NFIC: variants seen among roughly 807,000 people sequenced by gnomAD.
NFIC encodes nuclear factor 1 C-type.
A neutral mutation model predicts 54.4 loss-of-function variants in NFIC; 12 were observed. The observed-to-expected ratio is 0.22, with a 90% confidence interval of 0.14 to 0.36. NFIC has a LOEUF of 0.36. Ranked by LOEUF, NFIC falls within the 10% of genes least tolerant of loss-of-function variation. The probability of loss-of-function intolerance (pLI) is 1.00; values close to 1 mark genes in which losing one functional copy is unlikely to be tolerated. For missense variants in NFIC, 575 were observed against 718.2 expected, an observed-to-expected ratio of 0.80 and a Z score of 2.28; for synonymous variants, 322 against 319.2, an observed-to-expected ratio of 1.01 and a Z score of -0.09.
Position 3,464,288 on chromosome 19 carries a change from G to A in NFIC, c.*1519G>A. 1.0e-6 allele frequency: 1 copy of A among 985,280 alleles called. No individual in the cohort carries two copies. The highest frequency in any genetic ancestry group is 1.7e-5 in the African/African-American group (1 of 57,296). The allele number at this position is 985,280 out of a possible 1,614,324, so 61.0% of individuals were successfully genotyped here. ...AACGGGGAGGGTTTTCGGGGGGTTC[G>A]GCGTCGCACCTTGGGGCCCCCCGCA... On this transcript the variant is annotated 3_prime_UTR_variant, in exon 11 of 11. Coordinates refer to ENST00000443272, the MANE Select transcript of NFIC (RefSeq NM_001245002.2).
At chr19:3,436,610 G>A (rs1165945739) in intron 6 of NFIC, among the ~76,000 whole-genome samples, 2 of 151,794 alleles carry the variant, frequency 1.3e-5, no homozygotes, top group African/African-American at 4.8e-5. Context: ...AAGTAGCTGG[G>A]ATTACAGGCA....
intron 6 of NFIC, among the ~76,000 whole-genome samples, chr19:3,447,511 A>G (rs1030750746): frequency 6.6e-6 from 1 of 152,120 alleles, no homozygotes; most frequent in African/African-American, 2.4e-5. Context: ...CTCCTGCAGT[A>G]GCTAACATTC....
intron 7 of NFIC, among the ~76,000 whole-genome samples, chr19:3,451,871 C>T (rs908302391): frequency 1.3e-4 from 19 of 151,532 alleles, no homozygotes; most frequent in Non-Finnish European, 2.5e-4. Context: ...AATCCCAGCT[C>T]TTTGGGAGGC....
At chr19:3,456,868 G>T in intron 10 of NFIC, 1 of 575,624 alleles carries the variant, frequency 1.7e-6, no homozygotes, top group Non-Finnish European at 3.1e-6. Flanking sequence ...TCAGCCTGTG[G>T]GGTCCCCAGG....
In NFIC at chr19:3,467,427, T is replaced by C. The variant is rs2082730926; in HGVS notation, c.*4658T>C. On this transcript the variant is annotated 3_prime_UTR_variant, in exon 11 of 11. Transcript: ENST00000443272. ...TTCATGCCCAGGTCTGGAACCCAGG[T>C]TCTGACCCCAGGGCCCCACCCTGGG... The C allele has an allele frequency of 6.6e-6, 1 of 151,328 alleles. No homozygotes were observed. Among genetic ancestry groups the C allele is most frequent in the Admixed American group, 6.6e-5 (1 of 15,226 alleles). The allele number at this position is 151,328 out of a possible 1,614,324, so 9.4% of individuals were successfully genotyped here.
At chr19:3,456,914 AC>A in intron 10 of NFIC, 1 of 505,258 alleles carries the variant, frequency 2.0e-6, no homozygotes, top group Non-Finnish European at 3.6e-6. Context: ...CAGCTATGGG[AC>A]CAGTGTCATT....
At chr19:3,365,917 T>TG (rs1368332380), upstream of NFIC, among the ~76,000 whole-genome samples, 1 of 152,178 alleles carries the variant, frequency 6.6e-6, no homozygotes, top group Non-Finnish European at 1.5e-5. Flanking sequence ...TGCCTGGCTC[T>TG]GGGGGGAGAA....
chr19:3,414,297 T>G (rs1217938813), intron 2 of NFIC, among the ~76,000 whole-genome samples: 1 of 152,012 alleles, frequency 6.6e-6, no homozygotes, highest in Non-Finnish European at 1.5e-5. Flanking sequence ...TTACGACCCT[T>G]TAAAAATGGA....
intron 2 of NFIC, among the ~76,000 whole-genome samples, chr19:3,394,649 G>C (rs1161336421): frequency 1.3e-5 from 2 of 151,326 alleles, no homozygotes; most frequent in East Asian, 3.9e-4. Flanking sequence ...CCAGAGCAGG[G>C]GTTCCCGACC....
intron 7 of NFIC, among the ~76,000 whole-genome samples, chr19:3,450,627 C>A (rs1348948825): frequency 6.6e-6 from 1 of 152,136 alleles, no homozygotes; most frequent in Non-Finnish European, 1.5e-5. Context: ...TGCACTCCAG[C>A]CTGGGCAACA....
chr19:3,420,327 G>A (rs544052014), intron 2 of NFIC, among the ~76,000 whole-genome samples: 2 of 151,944 alleles, frequency 1.3e-5, no homozygotes, highest in African/African-American at 4.8e-5. Context: ...TCTCAAAAAC[G>A]AAGAAGAGAA....
chr19:3,387,462 C>T lies in NFIC; in HGVS notation c.562+5219C>T, dbSNP rs191867220. Among the ~76,000 whole-genome samples the T allele has an allele frequency of 1.8e-3, 276 of 152,144 alleles. 2 individuals are homozygous for T. The highest frequency in any genetic ancestry group is 6.3e-3 in the African/African-American group (261 of 41,530). ...AGTGAGCCAAGATCGCGACACTGCA[C>T]TCCAGCCTGAGCGACAGAGTGAGAC... is the stretch of plus-strand genomic sequence containing the variant. On this transcript the variant is annotated intron_variant, in intron 2 of 10. Transcript: ENST00000443272.
At chr19:3,374,398 C>G (rs1391559389) in intron 1 of NFIC, among the ~76,000 whole-genome samples, 3 of 152,182 alleles carry the variant, frequency 2.0e-5, no homozygotes, top group Non-Finnish European at 2.9e-5. Context: ...GCAAGCTCCC[C>G]TGTCTCCAGC....
At chr19:3,429,139 A>G (rs1373719415) in intron 3 of NFIC, among the ~76,000 whole-genome samples, 5 of 30,570 alleles carry the variant, frequency 1.6e-4, no homozygotes, top group African/African-American at 4.3e-4. Flanking sequence ...AAAAATATAC[A>G]CACACACACA....
intron 2 of NFIC, among the ~76,000 whole-genome samples, chr19:3,390,136 G>C (rs986355062): frequency 4.6e-5 from 7 of 152,232 alleles, no homozygotes; most frequent in Admixed American, 4.6e-4. Flanking sequence ...CCGTGACCCA[G>C]GAGTGGCTGT....
intron 2 of NFIC, among the ~76,000 whole-genome samples, chr19:3,383,932 T>G (rs935984720): frequency 2.0e-5 from 3 of 152,040 alleles, no homozygotes; most frequent in African/African-American, 7.2e-5. Flanking sequence ...GTTTCCTCCT[T>G]GGTGCAATGG....
Position 3,433,506 on chromosome 19 carries a change from T to C in NFIC, c.635-12T>C. On this transcript the variant is annotated splice_polypyrimidine_tract_variant and intron_variant, in intron 3 of 10. Coordinates refer to ENST00000443272, the MANE Select transcript of NFIC (RefSeq NM_001245002.2). ...AGCTCAGCCTACTGACCCCGCTGTC[T>C]TCCTGTTCCAGACACGACCGACTTC... The C allele has an allele frequency of 6.2e-7, 1 of 1,613,470 alleles. No homozygotes were observed. The highest frequency in any genetic ancestry group is 1.7e-5 in the Admixed American group (1 of 59,998).
intron 1 of NFIC, among the ~76,000 whole-genome samples, chr19:3,379,350 G>A (rs1454903911): frequency 2.6e-5 from 4 of 151,162 alleles, no homozygotes; most frequent in Admixed American, 6.6e-5. Flanking sequence ...GAACCACCGC[G>A]CCCAGCCGGG....
intron 9 of NFIC, among the ~76,000 whole-genome samples, chr19:3,456,128 C>G (rs1483239052): frequency 6.6e-6 from 1 of 152,260 alleles, no homozygotes; most frequent in East Asian, 1.9e-4. Context: ...AGCCCTCCCT[C>G]TGCCCTCTCC....
Sources: gnomAD v4.1 joint callset for allele counts (sites outside exome capture counted in the v4.1 genomes callset) on GRCh38, gnomAD v4.1.1 for gene constraint, MANE v1.5 for transcripts, NCBI Gene and HGNC (gene_info 2026-07-23, HGNC 2026-07-21) for gene names.